The following MYO3B variants were observed in gnomAD, a reference collection of about 807,000 sequenced individuals.
MYO3B encodes the protein myosin-IIIb.
MYO3B carries 156 observed loss-of-function variants against 174.6 expected under a neutral mutation model. The observed-to-expected ratio is 0.89, with a 90% CI of 0.78 to 1.02. The LOEUF (loss-of-function observed/expected upper bound fraction) is 1.02, where lower values mean the gene tolerates loss of function less well. Among genes scored for constraint, MYO3B ranks in the 50% least tolerant of loss-of-function variants. The pLI, the probability that MYO3B is intolerant of heterozygous loss-of-function variation, is 0.00. For missense variants in MYO3B, 1,632 were observed against 1,639.4 expected, an observed-to-expected ratio of 1.00 and a Z score of 0.08; for synonymous variants, 563 against 569.1, an observed-to-expected ratio of 0.99 and a Z score of 0.15.
At chr2:170,365,784 T>C (rs2094193806) in intron 8 of MYO3B, among the ~76,000 whole-genome samples, 1 of 152,258 alleles carries the variant, frequency 6.6e-6, no homozygotes, top group South Asian at 2.1e-4. Context: ...TGTGGTATGA[T>C]GGTATATGGT....
At chr2:170,592,894 A>G (rs1245061969) in intron 32 of MYO3B, among the ~76,000 whole-genome samples, 1 of 152,130 alleles carries the variant, frequency 6.6e-6, no homozygotes, top group Non-Finnish European at 1.5e-5. Context: ...AGATATATCT[A>G]TATCTGTTTT....
rs576684780 is a variant in MYO3B at position 170,352,401 on chromosome 2, G to C, written c.816-16821G>C. ...CTAGTTTCTAAACCAAAAGAAGAAA[G>C]GGTCTACAGAAAATTTAATCAATCT... On this transcript the variant is annotated intron_variant, in intron 8 of 34. Coordinates refer to ENST00000408978, the MANE Select transcript of MYO3B (RefSeq NM_138995.5). Among the ~76,000 whole-genome samples, 27 of 152,238 alleles carry C rather than the reference G, an allele frequency of 1.8e-4. No homozygotes were observed. The East Asian group carries it at 4.6e-3, about 26-fold the overall frequency.
At chr2:170,236,743 G>C (rs1422554534) in intron 7 of MYO3B, among the ~76,000 whole-genome samples, 1 of 152,164 alleles carries the variant, frequency 6.6e-6, no homozygotes, top group African/African-American at 2.4e-5. Context: ...CTGATGTATG[G>C]CCAGCTCACG....
chr2:170,482,117 G>A (rs922640279), intron 25 of MYO3B, among the ~76,000 whole-genome samples: 3 of 151,642 alleles, frequency 2.0e-5, no homozygotes, highest in Middle Eastern at 3.4e-3. Context: ...CAGGAGATCT[G>A]ATGGTTTTAA....
intron 7 of MYO3B, among the ~76,000 whole-genome samples, chr2:170,264,428 C>A (rs554394175): frequency 1.3e-5 from 2 of 152,202 alleles, no homozygotes; most frequent in African/African-American, 4.8e-5. Flanking sequence ...TTGGAAGTTA[C>A]ACCCATCACT....
intron 11 of MYO3B, 35 bp downstream of exon 11, chr2:170,383,224 T>C: frequency 1.5e-6 from 2 of 1,300,324 alleles, no homozygotes; most frequent in Non-Finnish European, 2.2e-6. Context: ...TGCTCCTTAA[T>C]AGGAAATTAA....
At chr2:170,510,822 A>G (rs547549028) in intron 28 of MYO3B, among the ~76,000 whole-genome samples, 1 of 152,272 alleles carries the variant, frequency 6.6e-6, no homozygotes, top group South Asian at 2.1e-4. Context: ...GACACTGTAA[A>G]TGGAGTCATA....
chr2:170,277,127 AG>A (rs2093469055), intron 7 of MYO3B, among the ~76,000 whole-genome samples: 1 of 152,178 alleles, frequency 6.6e-6, no homozygotes, highest in Non-Finnish European at 1.5e-5. Context: ...GCTGAGAAGG[AG>A]GCCCCTGCTC....
At chr2:170,183,635 T>C (rs186138161) in intron 1 of MYO3B, among the ~76,000 whole-genome samples, 40 of 152,310 alleles carry the variant, frequency 2.6e-4, no homozygotes, top group African/African-American at 9.1e-4. Context: ...CACTATTTAT[T>C]TTATATTCAC....
chr2:170,475,520 G>T (rs977849642), intron 25 of MYO3B, among the ~76,000 whole-genome samples: 2 of 152,180 alleles, frequency 1.3e-5, no homozygotes, highest in African/African-American at 4.8e-5. Context: ...CTCCCAAAGT[G>T]CTGGGATTAC....
chr2:170,464,626 G>A (rs1165674042), intron 24 of MYO3B, among the ~76,000 whole-genome samples: 4 of 152,132 alleles, frequency 2.6e-5, no homozygotes, highest in Non-Finnish European at 5.9e-5. Flanking sequence ...AATTGGGCTC[G>A]GTATGAATTG....
chr2:170,442,073 T>C (rs1388840655), intron 22 of MYO3B, among the ~76,000 whole-genome samples: 1 of 152,206 alleles, frequency 6.6e-6, no homozygotes, highest in Non-Finnish European at 1.5e-5. Flanking sequence ...GCCATTAATA[T>C]ATTGTGGTAA....
intron 6 of MYO3B, among the ~76,000 whole-genome samples, chr2:170,221,783 T>C (rs2092903834): frequency 6.6e-6 from 1 of 152,130 alleles, no homozygotes; most frequent in African/African-American, 2.4e-5. Context: ...CCCAGGCTGG[T>C]CTCCAACTCC....
chr2:170,180,395 A>C (rs2092383594), intron 1 of MYO3B, among the ~76,000 whole-genome samples: 1 of 152,166 alleles, frequency 6.6e-6, no homozygotes, highest in African/African-American at 2.4e-5. Context: ...CAAGATGTAG[A>C]ATTCACAGTG....
intron 30 of MYO3B, among the ~76,000 whole-genome samples, chr2:170,538,363 A>G (rs1006614407): frequency 6.6e-6 from 1 of 152,250 alleles, no homozygotes; most frequent in Admixed American, 6.5e-5. Context: ...TGGTTATTGC[A>G]ACTCAGCTCT....
At chr2:170,463,897 G>A (rs976031467) in intron 24 of MYO3B, among the ~76,000 whole-genome samples, 2 of 152,032 alleles carry the variant, frequency 1.3e-5, no homozygotes, top group African/African-American at 4.8e-5. Context: ...CCTCCTTTGG[G>A]TAAAAACATG....
chr2:170,600,934 G>A (rs1200667707), intron 32 of MYO3B, among the ~76,000 whole-genome samples: 1 of 152,198 alleles, frequency 6.6e-6, no homozygotes, highest in Non-Finnish European at 1.5e-5. Flanking sequence ...AGTGGGCTAT[G>A]CGAAATTTCT....
intron 6 of MYO3B, among the ~76,000 whole-genome samples, chr2:170,230,764 A>G (rs1176917107): frequency 6.6e-6 from 1 of 152,224 alleles, no homozygotes; most frequent in Non-Finnish European, 1.5e-5. Context: ...ATCCAGTGAT[A>G]TCTACTATTA....
chr2:170,384,952 G>A (rs561581747), intron 12 of MYO3B, among the ~76,000 whole-genome samples: 4 of 152,216 alleles, frequency 2.6e-5, no homozygotes, highest in South Asian at 2.1e-4. Flanking sequence ...CTGCCCAGCC[G>A]AATACCAGTC....
Sources: allele counts gnomAD v4.1 joint callset (sites outside exome capture counted in the v4.1 genomes callset), GRCh38; gene constraint gnomAD v4.1.1; transcripts MANE v1.5; gene names NCBI Gene and HGNC (gene_info 2026-07-23, HGNC 2026-07-21).